Variants in PDZD2 observed in about 807,000 individuals in gnomAD.
PDZD2 encodes PDZ domain containing 2.
Under a neutral mutation model 220.7 loss-of-function variants are expected in PDZD2, and 90 were observed. The observed-to-expected ratio is 0.41, with a 90% CI of 0.34 to 0.49. PDZD2 has a LOEUF of 0.49. Among genes scored for constraint, PDZD2 ranks in the 20% least tolerant of loss-of-function variants. PDZD2 has a pLI of 0.28. For synonymous variants in PDZD2, 1,375 were observed against 1,450.5 expected (o/e 0.95, Z 1.18); for missense variants, 3,174 against 3,608.5 (o/e 0.88, Z 3.08).
chr5:31,663,891 G>C lies in PDZD2; in HGVS notation c.-361+24454G>C, dbSNP rs995385525. 7.2e-5 allele frequency among the ~76,000 whole-genome samples: 11 copies of C among 152,066 alleles called. 1 individual carries two copies. In the South Asian group the frequency reaches 2.3e-3, roughly 31 times the overall value. On this transcript the variant is annotated intron_variant, in intron 1 of 24. Coordinates refer to ENST00000438447, the MANE Select transcript of PDZD2 (RefSeq NM_178140.4). ...TGTGTGTGTGTATGCGGGCACAAGTGTGTGCTTGCACATGTATCTGTGTGT... is the reference window on the plus strand; with the variant it reads ...TGTGTGTGTGTATGCGGGCACAAGTCTGTGCTTGCACATGTATCTGTGTGT...
intron 2 of PDZD2, among the ~76,000 whole-genome samples, chr5:31,804,913 G>T (rs1391802174): frequency 6.6e-6 from 1 of 152,328 alleles, no homozygotes; most frequent in South Asian, 2.1e-4. Flanking sequence ...AGGAAGCCCG[G>T]TCAGGCGTGG....
intron 2 of PDZD2, among the ~76,000 whole-genome samples, chr5:31,840,124 A>G (rs1757173672): frequency 6.6e-6 from 1 of 151,984 alleles, no homozygotes; most frequent in African/African-American, 2.4e-5. Context: ...GCTACTCAGA[A>G]TGCTGAGGTG....
chr5:31,763,576 C>T (rs1349778331), intron 1 of PDZD2, among the ~76,000 whole-genome samples: 1 of 152,188 alleles, frequency 6.6e-6, no homozygotes, highest in East Asian at 1.9e-4. Context: ...AAGTTGAGAA[C>T]GTGGAACATT....
chr5:32,028,289 G>C (rs1249365344), intron 6 of PDZD2, among the ~76,000 whole-genome samples: 1 of 152,174 alleles, frequency 6.6e-6, no homozygotes, highest in Non-Finnish European at 1.5e-5. Flanking sequence ...CTTTGAAACA[G>C]TTACAGGATA....
rs79497785 is a variant in PDZD2 at position 31,655,993 on chromosome 5, G to A, written c.-361+16556G>A. Among the ~76,000 whole-genome samples the A allele has an allele frequency of 3.9e-5, 6 of 152,346 alleles. No homozygotes were observed. In the East Asian group the frequency reaches 1.2e-3, roughly 29 times the overall value. ...TAAATTGGATCATCTCATTAGAGTGGTTGGAGTGGACATTCTTCCATTTAT... is the reference window on the plus strand; with the variant it reads ...TAAATTGGATCATCTCATTAGAGTGATTGGAGTGGACATTCTTCCATTTAT... On this transcript the variant is annotated intron_variant, in intron 1 of 24. Coordinates refer to ENST00000438447, the MANE Select transcript of PDZD2 (RefSeq NM_178140.4).
intron 24 of PDZD2, among the ~76,000 whole-genome samples, chr5:32,105,093 C>T (rs1220596105): frequency 6.6e-6 from 1 of 151,904 alleles, no homozygotes; most frequent in Non-Finnish European, 1.5e-5. Flanking sequence ...ATGGTTGTGC[C>T]ACAGCACTCC....
At chr5:31,915,350 T>G (rs1257189993) in intron 2 of PDZD2, among the ~76,000 whole-genome samples, 1 of 152,180 alleles carries the variant, frequency 6.6e-6, no homozygotes, top group Non-Finnish European at 1.5e-5. Context: ...GTTAACCAGT[T>G]ATGGACCTTC....
intron 1 of PDZD2, among the ~76,000 whole-genome samples, chr5:31,722,385 C>T (rs1002379496): frequency 2.0e-5 from 3 of 152,016 alleles, no homozygotes; most frequent in African/African-American, 7.2e-5. Context: ...CCTGCCCCCT[C>T]CCCTGGAACC....
chr5:32,050,736 G>C (rs575817931), intron 8 of PDZD2, among the ~76,000 whole-genome samples: 1 of 152,112 alleles, frequency 6.6e-6, no homozygotes, highest in Non-Finnish European at 1.5e-5. Flanking sequence ...TGGGAGGATC[G>C]CTTGAGCCCA....
At chr5:31,750,706 T>C (rs1750904940) in intron 1 of PDZD2, among the ~76,000 whole-genome samples, 1 of 152,048 alleles carries the variant, frequency 6.6e-6, no homozygotes, top group Admixed American at 6.5e-5. Flanking sequence ...GGGGCACTTT[T>C]CCTGTATTCA....
intron 1 of PDZD2, among the ~76,000 whole-genome samples, chr5:31,776,485 T>TATTTATTC (rs1752660571): frequency 6.9e-6 from 1 of 144,536 alleles, no homozygotes; most frequent in South Asian, 2.2e-4. Context: ...TTTATTTATT[T>TATTTATTC]ATTTATTCAT....
rs1195370184 is a variant in PDZD2 at position 32,090,662 on chromosome 5, G to A, written c.7214G>A (p.Ser2405Asn). The change falls in exon 20 of 25, where the codon AGC becomes AAC. Residue 2405 changes from serine (S) to asparagine (N), a missense_variant. Ser to Asn is a conservative substitution (Grantham distance 46). Transcript: ENST00000438447. The surrounding 1 kb of genome is among the most constrained non-coding windows in gnomAD (Gnocchi z 4.3). ...TTGAGTTCCTGCAGCGAAAACCAAA[G>A]CGAAGCCGGCACCCTCCTGCCCCAG... ...RSLSSCSENQ[S>N]EAGTLLPQMA... 6.2e-7 allele frequency: 1 copy of A among 1,614,116 alleles called. No individual in the cohort carries two copies. The highest frequency in any genetic ancestry group is 1.7e-5 in the Admixed American group (1 of 60,018).
At chr5:31,713,908 C>T (rs1748282250) in intron 1 of PDZD2, among the ~76,000 whole-genome samples, 1 of 152,194 alleles carries the variant, frequency 6.6e-6, no homozygotes, top group Non-Finnish European at 1.5e-5. Flanking sequence ...ATGCAGATGC[C>T]AGCACCATGC....
intron 2 of PDZD2, among the ~76,000 whole-genome samples, chr5:31,837,455 G>T (rs902223327): frequency 6.6e-6 from 1 of 152,208 alleles, no homozygotes; most frequent in Non-Finnish European, 1.5e-5. Context: ...AGGCACAGTG[G>T]CTCATGCCTG....
intron 2 of PDZD2, among the ~76,000 whole-genome samples, chr5:31,963,228 TTGAC>T (rs535866465): frequency 6.6e-6 from 1 of 152,242 alleles, no homozygotes; most frequent in Non-Finnish European, 1.5e-5. Context: ...CATCACAATG[TTGAC>T]TGACTAATGG....
intron 1 of PDZD2, among the ~76,000 whole-genome samples, chr5:31,659,937 G>A (rs779627910): frequency 2.0e-5 from 3 of 152,192 alleles, no homozygotes; most frequent in Non-Finnish European, 2.9e-5. Context: ...ATACTTTGTC[G>A]ACATCATTTC....
Position 32,087,064 on chromosome 5 carries a change from A to C in PDZD2, c.3683-67A>C, listed in dbSNP as rs1174176633. On this transcript the variant is annotated intron_variant, in intron 19 of 24. Transcript: ENST00000438447. The surrounding 1 kb of genome is among the most constrained non-coding windows in gnomAD (Gnocchi z 4.0). ...AATAATTGAGGGGCTGCTTTCTTATATTATCCCTTTTATCTCCCCTACAAC... is the reference window on the plus strand; with the variant it reads ...AATAATTGAGGGGCTGCTTTCTTATCTTATCCCTTTTATCTCCCCTACAAC... The C allele has an allele frequency of 2.4e-6, 2 of 818,138 alleles. No homozygotes were observed. Among genetic ancestry groups the C allele is most frequent in the African/African-American group, 3.4e-5 (2 of 57,982 alleles). 50.7% of individuals were successfully genotyped at this position (818,138 alleles called of 1,614,324 possible).
At chr5:31,962,934 G>T (rs531042918) in intron 2 of PDZD2, among the ~76,000 whole-genome samples, 2 of 152,104 alleles carry the variant, frequency 1.3e-5, no homozygotes, top group Non-Finnish European at 2.9e-5. Context: ...TTCCATGCAG[G>T]CCCTGGCTTT....
chr5:32,057,763 T>C (rs745310867), intron 11 of PDZD2, 35 bp downstream of exon 11: 7 of 1,467,534 alleles, frequency 4.8e-6, no homozygotes, highest in Non-Finnish European at 6.6e-6. Context: ...TTTATCCTAT[T>C]TTCCTTTCTT....
Sources: gnomAD v4.1 joint callset for allele counts (sites outside exome capture counted in the v4.1 genomes callset) on GRCh38, gnomAD v4.1.1 for gene constraint, Gnocchi (gnomAD v3.1) non-coding constraint, MANE v1.5 for transcripts, NCBI Gene and HGNC (gene_info 2026-07-23, HGNC 2026-07-21) for gene names.